Variants in RBFOX1 observed in about 807,000 individuals in gnomAD.
RBFOX1 encodes the protein RNA binding protein fox-1 homolog 1.
A neutral mutation model predicts 57.7 loss-of-function variants in RBFOX1; 8 were observed. The observed-to-expected ratio is 0.14, with a 90% CI of 0.08 to 0.25. RBFOX1 has a LOEUF of 0.25. Ranked by LOEUF, RBFOX1 falls within the 10% of genes least tolerant of loss-of-function variation. The pLI, the probability that RBFOX1 is intolerant of heterozygous loss-of-function variation, is 1.00. For missense variants in RBFOX1, 611 were observed against 548.5 expected, an observed-to-expected ratio of 1.11 and a Z score of -1.14; for synonymous variants, 326 against 222.4, an observed-to-expected ratio of 1.47 and a Z score of -4.15.
At chr16:6,863,232 C>T (rs965084343) in intron 3 of RBFOX1, among the ~76,000 whole-genome samples, 2 of 152,058 alleles carry the variant, frequency 1.3e-5, no homozygotes, top group South Asian at 2.1e-4. Context: ...AACATTCCAA[C>T]CTAAAGGCAA....
In RBFOX1 at chr16:5,949,859, G is replaced by T. The variant is rs79699299; in HGVS notation, c.351+82524G>T. Among the ~76,000 whole-genome samples, 724 of 152,188 alleles carry T rather than the reference G, an allele frequency of 4.8e-3. 5 individuals are homozygous for T. The highest frequency in any genetic ancestry group is 0.017 in the African/African-American group (697 of 41,538). The stretch of plus-strand genomic sequence containing the variant: ...AATCCATTCTAACAAGCCCTGCAGG[G>T]GATTCTGAGACAAGCTCAAGCTAGA... On this transcript the variant is annotated intron_variant, in intron 4 of 19. Transcript: ENST00000641259.
intron 4 of RBFOX1, among the ~76,000 whole-genome samples, chr16:7,184,828 T>C (rs995198583): frequency 1.3e-5 from 2 of 152,196 alleles, no homozygotes; most frequent in Non-Finnish European, 2.9e-5. Flanking sequence ...GAGGAGATCC[T>C]TGCCCTTTAG....
In RBFOX1 at chr16:7,679,285, G is replaced by A. The variant is rs927696512; in HGVS notation, c.995+2447G>A. On this transcript the variant is annotated intron_variant, in intron 14 of 15. Transcript: ENST00000550418. ...TAGCTTTTGAATCTAGATTAAAGATGCCAAGTACCTATAATTTCTCTCAGA... is the reference window on the plus strand; with the variant it reads ...TAGCTTTTGAATCTAGATTAAAGATACCAAGTACCTATAATTTCTCTCAGA... 3.9e-5 allele frequency among the ~76,000 whole-genome samples: 6 copies of A among 152,284 alleles called. No individual in the cohort carries two copies. The East Asian group carries it at 5.8e-4, about 15-fold the overall frequency.
intron 2 of RBFOX1, among the ~76,000 whole-genome samples, chr16:6,604,164 T>C (rs772145987): frequency 1.0e-3 from 152 of 152,122 alleles, no homozygotes; most frequent in Non-Finnish European, 1.7e-3. Context: ...AGTCCAGCTT[T>C]TGAGAGTCAC....
At chr16:6,792,585 C>T (rs758377660) in intron 3 of RBFOX1, among the ~76,000 whole-genome samples, 1 of 152,180 alleles carries the variant, frequency 6.6e-6, no homozygotes, top group Non-Finnish European at 1.5e-5. Flanking sequence ...AGTACTGTGC[C>T]TCCTACTACG....
At chr16:6,791,870 C>G (rs927210403) in intron 3 of RBFOX1, among the ~76,000 whole-genome samples, 10 of 152,278 alleles carry the variant, frequency 6.6e-5, no homozygotes, top group East Asian at 1.9e-4. Context: ...TATTAAGTAA[C>G]TCTTGTTTAA....
At chr16:6,205,229 C>T (rs2097246899) in intron 1 of RBFOX1, among the ~76,000 whole-genome samples, 1 of 152,088 alleles carries the variant, frequency 6.6e-6, no homozygotes, top group Non-Finnish European at 1.5e-5. Context: ...CTAGCTAGTT[C>T]CGAAGAGTCC....
At chr16:6,059,070 C>T (rs2095652632) in intron 1 of RBFOX1, 1 of 152,196 alleles carries the variant, frequency 6.6e-6, no homozygotes, top group African/African-American at 2.4e-5. Context: ...TAATAGACTG[C>T]TTTCTCTTTT....
At chr16:5,840,179 T>C (rs954124808) in intron 3 of RBFOX1, among the ~76,000 whole-genome samples, 1 of 152,202 alleles carries the variant, frequency 6.6e-6, no homozygotes, top group Non-Finnish European at 1.5e-5. Flanking sequence ...ACCTGGACAC[T>C]GAGTCACAAA....
At chr16:6,878,105 G>A (rs972135505) in intron 3 of RBFOX1, among the ~76,000 whole-genome samples, 1 of 152,164 alleles carries the variant, frequency 6.6e-6, no homozygotes. Flanking sequence ...ATATGGTGGC[G>A]TGTATGCAAG....
intron 1 of RBFOX1, among the ~76,000 whole-genome samples, chr16:6,218,669 TCACAA>T (rs1324177090): frequency 6.6e-6 from 1 of 152,158 alleles, no homozygotes; most frequent in East Asian, 1.9e-4. Flanking sequence ...TTCACCTAGT[TCACAA>T]CACGCAGGAT....
At chr16:6,542,849 T>C (rs2096842777) in intron 2 of RBFOX1, among the ~76,000 whole-genome samples, 1 of 152,052 alleles carries the variant, frequency 6.6e-6, no homozygotes, top group Non-Finnish European at 1.5e-5. Flanking sequence ...TTACCATCTT[T>C]TGTAAGTCTG....
chr16:6,646,312 G>A (rs1231905852), intron 2 of RBFOX1, among the ~76,000 whole-genome samples: 3 of 152,038 alleles, frequency 2.0e-5, no homozygotes, highest in Admixed American at 6.6e-5. Context: ...CCCCTGGGGC[G>A]CCTCCCGCAT....
intron 4 of RBFOX1, among the ~76,000 whole-genome samples, chr16:7,302,041 C>A (rs8052954): frequency 0.012 from 1,756 of 152,258 alleles, 40 homozygotes; most frequent in African/African-American, 0.04. Flanking sequence ...TTCAAACTAA[C>A]CACTGCCAGC....
At chr16:7,048,911 C>T (rs1331750768) in intron 3 of RBFOX1, among the ~76,000 whole-genome samples, 1 of 152,076 alleles carries the variant, frequency 6.6e-6, no homozygotes, top group Non-Finnish European at 1.5e-5. Context: ...GCTGAAAGCT[C>T]TTGCTTTTCT....
intron 2 of RBFOX1, among the ~76,000 whole-genome samples, chr16:6,346,422 C>T (rs1228370606): frequency 6.6e-6 from 1 of 152,176 alleles, no homozygotes; most frequent in Non-Finnish European, 1.5e-5. Context: ...TAACAGGTTG[C>T]TGAGTCTCAG....
chr16:5,724,342 T>G (rs954134978), intron 3 of RBFOX1, among the ~76,000 whole-genome samples: 1 of 152,080 alleles, frequency 6.6e-6, no homozygotes, highest in Non-Finnish European at 1.5e-5. Flanking sequence ...TCACTGCCAT[T>G]TGGGGAGATT....
chr16:5,706,737 G>C (rs4488446), intron 3 of RBFOX1, among the ~76,000 whole-genome samples: 32,307 of 151,900 alleles, frequency 0.21, 4,469 homozygotes, highest in East Asian at 0.63. Flanking sequence ...TTCCTACGAT[G>C]GTTGATGGTT....
chr16:6,814,451 G>A (rs778188237), intron 3 of RBFOX1, among the ~76,000 whole-genome samples: 1 of 152,182 alleles, frequency 6.6e-6, no homozygotes, highest in Non-Finnish European at 1.5e-5. Context: ...GCAGGTGGGT[G>A]AACAAGGTAG....
Sources: gnomAD v4.1 joint callset for allele counts (sites outside exome capture counted in the v4.1 genomes callset) on GRCh38, gnomAD v4.1.1 for gene constraint, MANE v1.5 for transcripts, NCBI Gene and HGNC (gene_info 2026-07-23, HGNC 2026-07-21) for gene names.